Variants in ADCY2 observed in about 807,000 individuals in gnomAD.
ADCY2 encodes adenylate cyclase 2, also known as adenylate cyclase type 2.
A neutral mutation model predicts 125.2 loss-of-function variants in ADCY2; 31 were observed. The ratio of observed to expected loss-of-function variants is 0.25; its 90% CI spans 0.19 to 0.33. The LOEUF (loss-of-function observed/expected upper bound fraction) is 0.33, where lower values mean the gene tolerates loss of function less well. ADCY2 is among the 10% of genes least tolerant of loss of function. The pLI is 1.00. For missense variants in ADCY2, 904 were observed against 1,418.2 expected, an observed-to-expected ratio of 0.64 and a Z score of 5.82; for synonymous variants, 512 against 548.4, an observed-to-expected ratio of 0.93 and a Z score of 0.93.
At chr5:7,588,857 A>G (rs1267968245) in intron 3 of ADCY2, among the ~76,000 whole-genome samples, 9 of 152,226 alleles carry the variant, frequency 5.9e-5, no homozygotes, top group Admixed American at 5.2e-4. Flanking sequence ...AATCCCTGGA[A>G]TAGATCAAAG....
At chr5:7,781,934 C>A (rs1743934176) in intron 18 of ADCY2, among the ~76,000 whole-genome samples, 1 of 152,166 alleles carries the variant, frequency 6.6e-6, no homozygotes, top group Non-Finnish European at 1.5e-5. Context: ...ACAAGTGGCC[C>A]ACACAAGAGA....
Position 7,816,984 on chromosome 5 carries a change from C to T in ADCY2, c.2998+4C>T, listed in dbSNP as rs1299346816. 8.7e-6 allele frequency: 14 copies of T among 1,611,192 alleles called. No homozygotes were observed. Among genetic ancestry groups the T allele is most frequent in the East Asian group, 2.2e-5 (1 of 44,870 alleles). On this transcript the variant is annotated splice_donor_region_variant and intron_variant, in intron 23 of 24. Coordinates refer to ENST00000338316, the MANE Select transcript of ADCY2 (RefSeq NM_020546.3). Reference sequence around the variant, plus strand: ...AACGACTTCAAATTGCGAGTGGGTACGTTCTGCAAAAGAGGTCTCGGTTTC... The same window carrying T: ...AACGACTTCAAATTGCGAGTGGGTATGTTCTGCAAAAGAGGTCTCGGTTTC...
chr5:7,625,815 G>T (rs976450517), intron 3 of ADCY2, among the ~76,000 whole-genome samples: 3 of 152,180 alleles, frequency 2.0e-5, no homozygotes, highest in African/African-American at 4.8e-5. Context: ...TGAGGTGCAA[G>T]AGAGTGACCT....
intron 1 of ADCY2, among the ~76,000 whole-genome samples, chr5:7,412,484 G>A (rs1739762979): frequency 6.6e-6 from 1 of 152,178 alleles, no homozygotes; most frequent in South Asian, 2.1e-4. Flanking sequence ...CCACGTGTCC[G>A]TTTGTTCGTG....
intron 3 of ADCY2, among the ~76,000 whole-genome samples, chr5:7,550,699 C>T (rs1448247883): frequency 6.6e-6 from 1 of 152,162 alleles, no homozygotes; most frequent in Admixed American, 6.5e-5. Context: ...CCCTGCATTA[C>T]ACCTTGGTGG....
intron 21 of ADCY2, among the ~76,000 whole-genome samples, chr5:7,804,040 A>AAGAGAGAGAGAGAGTGAGAGAGAG (rs1744682774): frequency 9.4e-6 from 1 of 106,586 alleles, no homozygotes; most frequent in Non-Finnish European, 1.9e-5. Flanking sequence ...GGAGGGGGGA[A>AAGAGAGAGAGAGAGTGAGAGAGAG]AGAGAGAGAG....
intron 3 of ADCY2, among the ~76,000 whole-genome samples, chr5:7,529,543 G>A (rs1046786860): frequency 8.5e-5 from 13 of 152,322 alleles, no homozygotes; most frequent in African/African-American, 3.1e-4. Flanking sequence ...TCTCGTGAAT[G>A]TCTGGACATG....
intron 5 of ADCY2, among the ~76,000 whole-genome samples, chr5:7,694,491 A>G (rs949948553): frequency 2.0e-4 from 31 of 152,218 alleles, no homozygotes; most frequent in African/African-American, 7.5e-4. Context: ...TTCTGTCCCT[A>G]TGGTTTGACT....
At chr5:7,490,640 C>T (rs534459669) in intron 2 of ADCY2, among the ~76,000 whole-genome samples, 15 of 152,214 alleles carry the variant, frequency 9.9e-5, no homozygotes, top group East Asian at 5.8e-4. Context: ...TAAACACACA[C>T]GCACACACAC....
intron 2 of ADCY2, among the ~76,000 whole-genome samples, chr5:7,470,848 T>A (rs1357391730): frequency 6.6e-6 from 1 of 151,706 alleles, no homozygotes; most frequent in African/African-American, 2.4e-5. Flanking sequence ...CTACTTAATA[T>A]ATTAATTATT....
intron 2 of ADCY2, among the ~76,000 whole-genome samples, chr5:7,485,180 C>T (rs2126479511): frequency 6.6e-6 from 1 of 152,266 alleles, no homozygotes; most frequent in South Asian, 2.1e-4. Context: ...CCCTCCGAAA[C>T]TTGAATAGAT....
intron 2 of ADCY2, among the ~76,000 whole-genome samples, chr5:7,459,938 C>T (rs1741857177): frequency 6.6e-6 from 1 of 151,636 alleles, no homozygotes; most frequent in Admixed American, 6.6e-5. Flanking sequence ...AGGCAACTGC[C>T]ACCACACCCG....
chr5:7,768,097 G>A (rs1188928200), intron 17 of ADCY2, among the ~76,000 whole-genome samples: 1 of 152,110 alleles, frequency 6.6e-6, no homozygotes, highest in Non-Finnish European at 1.5e-5. Flanking sequence ...CCTTGACTAG[G>A]TCATGGGCAA....
At chr5:7,530,605 T>C (rs907188907) in intron 3 of ADCY2, among the ~76,000 whole-genome samples, 8 of 114,838 alleles carry the variant, frequency 7.0e-5, no homozygotes, top group Non-Finnish European at 1.3e-4. Context: ...CAGTACCTCA[T>C]CCAGATATAA....
intron 4 of ADCY2, among the ~76,000 whole-genome samples, chr5:7,678,939 C>T (rs1173695254): frequency 6.6e-6 from 1 of 152,224 alleles, no homozygotes; most frequent in Non-Finnish European, 1.5e-5. Context: ...TGCATTCACT[C>T]CTGTATCCAT....
intron 2 of ADCY2, among the ~76,000 whole-genome samples, chr5:7,482,053 A>T (rs1160872275): frequency 6.6e-6 from 1 of 152,180 alleles, no homozygotes; most frequent in Admixed American, 6.5e-5. Flanking sequence ...TATAGCTCTA[A>T]GTCTGTCACT....
At chr5:7,736,918 T>G (rs1485953782) in intron 14 of ADCY2, among the ~76,000 whole-genome samples, 2 of 152,172 alleles carry the variant, frequency 1.3e-5, no homozygotes, top group African/African-American at 4.8e-5. Flanking sequence ...CCTTGTTCCA[T>G]TTATAAAAAA....
intron 14 of ADCY2, among the ~76,000 whole-genome samples, chr5:7,736,204 A>AAGAGG (rs1742248739): frequency 6.6e-6 from 1 of 152,168 alleles, no homozygotes; most frequent in Admixed American, 6.5e-5. Context: ...TGGGTGACAG[A>AAGAGG]GCAAGACTCT....
intron 4 of ADCY2, among the ~76,000 whole-genome samples, chr5:7,648,497 T>G (rs1484430597): frequency 1.3e-4 from 20 of 152,144 alleles, no homozygotes; most frequent in Admixed American, 1.3e-3. Flanking sequence ...TCACTATTCT[T>G]CATACTAGTG....
Sources: allele counts gnomAD v4.1 joint callset (sites outside exome capture counted in the v4.1 genomes callset), GRCh38; gene constraint gnomAD v4.1.1; transcripts MANE v1.5; gene names NCBI Gene and HGNC (gene_info 2026-07-23, HGNC 2026-07-21).